Variants in RGL1 observed in about 807,000 individuals in gnomAD.
RGL1 encodes the protein ral guanine nucleotide dissociation stimulator-like 1.
In RGL1, 24 loss-of-function variants were observed where a neutral mutation model predicts 95.2. The ratio of observed to expected loss-of-function variants is 0.25; its 90% CI spans 0.18 to 0.35. RGL1 has a LOEUF of 0.35. Among genes scored for constraint, RGL1 ranks in the 10% least tolerant of loss-of-function variants. RGL1 has a pLI of 1.00. For synonymous variants in RGL1, 329 were observed against 344.9 expected, an observed-to-expected ratio of 0.95 and a Z score of 0.51; for missense variants, 715 against 936.3, an observed-to-expected ratio of 0.76 and a Z score of 3.08.
intron 1 of RGL1, among the ~76,000 whole-genome samples, chr1:183,641,790 A>G (rs1459116470): frequency 2.0e-5 from 3 of 152,178 alleles, no homozygotes; most frequent in Non-Finnish European, 2.9e-5. Context: ...GCTTGCTGAT[A>G]CTTTTAGAGG....
intron 2 of RGL1, among the ~76,000 whole-genome samples, chr1:183,834,380 C>G (rs915720410): frequency 1.3e-5 from 2 of 151,774 alleles, no homozygotes; most frequent in African/African-American, 2.4e-5. Flanking sequence ...CTTGCCCACC[C>G]TCCCCTTCAT....
rs1206437080 is a variant in RGL1 at position 183,866,031 on chromosome 1, A to G, written c.383A>G (p.Asp128Gly). 6.2e-7 allele frequency: 1 copy of G among 1,614,026 alleles called. No homozygotes were observed. Residue 128 changes from aspartate (D) to glycine (G), a missense_variant, in exon 4 of 18, where the codon GAT becomes GGT. Physicochemically the swap from Asp to Gly is moderately conservative, Grantham distance 94 (BLOSUM62 -1). Transcript: ENST00000360851. The stretch of plus-strand genomic sequence containing the variant: ...CTGACAAGCCCAAACTGTGAAGAAG[A>G]TGGAAGCCAAAGTTCATCAGAGTCC... ...GNLTSPNCEE[D>G]GSQSSSESKM...
chr1:183,746,114 G>A (rs1183092482), intron 2 of RGL1, among the ~76,000 whole-genome samples: 2 of 146,706 alleles, frequency 1.4e-5, no homozygotes, highest in Non-Finnish European at 3.0e-5. Flanking sequence ...TTATAATATT[G>A]TGGAATCACA....
intron 5 of RGL1, among the ~76,000 whole-genome samples, chr1:183,883,109 G>A (rs1666917309): frequency 6.6e-6 from 1 of 152,166 alleles, no homozygotes; most frequent in Admixed American, 6.5e-5. Context: ...TATTCCAGGT[G>A]TGGGCTCTTC....
intron 2 of RGL1, among the ~76,000 whole-genome samples, chr1:183,780,563 G>C (rs1659848064): frequency 6.6e-6 from 1 of 152,164 alleles, no homozygotes; most frequent in Non-Finnish European, 1.5e-5. Flanking sequence ...GGGAGATTCA[G>C]TGCTTTATGG....
intron 2 of RGL1, among the ~76,000 whole-genome samples, chr1:183,832,895 T>C (rs1203712011): frequency 6.6e-6 from 1 of 152,136 alleles, no homozygotes; most frequent in African/African-American, 2.4e-5. Flanking sequence ...CGGGAATCAA[T>C]AGTGCCGATT....
chr1:183,753,788 A>G (rs919355032), intron 2 of RGL1, among the ~76,000 whole-genome samples: 1 of 152,164 alleles, frequency 6.6e-6, no homozygotes, highest in Middle Eastern at 3.2e-3. Context: ...AACAAGAGAG[A>G]TCCATGAAGT....
In RGL1 at chr1:183,880,732, G is replaced by A. The variant is rs1323830551; in HGVS notation, c.542G>A (p.Gly181Asp). The A allele has an allele frequency of 6.2e-7, 1 of 1,613,934 alleles. No homozygotes were observed. The change falls in exon 5 of 18, where the codon GGC (glycine) becomes GAC (aspartate). Residue 181 changes from glycine to aspartate, a missense_variant. This residue lies in a region of RGL1 where 381 missense variants were observed against 484.8 expected (regional missense o/e 0.79). Transcript: ENST00000360851. ...LLDYLTRMMP[G>D]SDPERRAQNL... ...GATTATCTCACACGGATGATGCCGG[G>A]CTCTGACCCAGAAAGAAGAGCACAA...
At chr1:183,855,813 G>T (rs1665104070) in intron 3 of RGL1, among the ~76,000 whole-genome samples, 1 of 152,098 alleles carries the variant, frequency 6.6e-6, no homozygotes, top group Non-Finnish European at 1.5e-5. Flanking sequence ...CTCATAATTT[G>T]ATTTTTTTCT....
At chr1:183,745,703 G>C (rs534952710) in intron 2 of RGL1, among the ~76,000 whole-genome samples, 6 of 151,974 alleles carry the variant, frequency 3.9e-5, no homozygotes, top group Non-Finnish European at 7.4e-5. Flanking sequence ...TTTCTCTGCT[G>C]AGCTATTGAT....
chr1:183,855,541 TTCAG>T (rs1373012337), intron 3 of RGL1, among the ~76,000 whole-genome samples: 1 of 152,258 alleles, frequency 6.6e-6, no homozygotes, highest in Non-Finnish European at 1.5e-5. Context: ...TTCCTTTTCT[TTCAG>T]TAAGAGGCAA....
intron 2 of RGL1, among the ~76,000 whole-genome samples, chr1:183,821,154 A>G (rs1350775430): frequency 6.6e-6 from 1 of 152,000 alleles, no homozygotes; most frequent in East Asian, 1.9e-4. Flanking sequence ...AATAATAATA[A>G]TAATACTTGT....
At chr1:183,661,248 A>T (rs1230904971) in intron 1 of RGL1, among the ~76,000 whole-genome samples, 1 of 152,238 alleles carries the variant, frequency 6.6e-6, no homozygotes, top group Non-Finnish European at 1.5e-5. Context: ...AAAACCCTTC[A>T]AAAAATTAAT....
chr1:183,888,688 T>A (rs1667256359), intron 8 of RGL1, 111 bp downstream of exon 8: 1 of 697,874 alleles, frequency 1.4e-6, no homozygotes, highest in South Asian at 1.8e-5. Context: ...ATATTTGAAA[T>A]CCTCTGTGTG....
At chr1:183,694,158 A>T (rs1415990605) in intron 1 of RGL1, among the ~76,000 whole-genome samples, 1 of 152,102 alleles carries the variant, frequency 6.6e-6, no homozygotes, top group African/African-American at 2.4e-5. Context: ...TATCAGAGAG[A>T]ATTTTATGTC....
At chr1:183,814,982 C>A (rs1353620699) in intron 2 of RGL1, among the ~76,000 whole-genome samples, 1 of 152,132 alleles carries the variant, frequency 6.6e-6, no homozygotes, top group Non-Finnish European at 1.5e-5. Flanking sequence ...ATTAAAATTG[C>A]AATACTTGGC....
At chr1:183,744,055 C>A (rs1429803451) in intron 2 of RGL1, among the ~76,000 whole-genome samples, 1 of 152,152 alleles carries the variant, frequency 6.6e-6, no homozygotes. Context: ...GGATGCAAAG[C>A]TGTGGGAGAG....
chr1:183,881,028 TC>T (rs568061869), intron 5 of RGL1, among the ~76,000 whole-genome samples: 58 of 152,260 alleles, frequency 3.8e-4, no homozygotes, highest in Non-Finnish European at 7.5e-4. Flanking sequence ...CTAATCTGGC[TC>T]CCTCATTTTA....
At chr1:183,825,857 A>T (rs1386741555) in intron 2 of RGL1, among the ~76,000 whole-genome samples, 1 of 151,986 alleles carries the variant, frequency 6.6e-6, no homozygotes, top group Non-Finnish European at 1.5e-5. Flanking sequence ...TTGTCTAATC[A>T]CTCATATAAA....
Sources: gnomAD v4.1 joint callset for allele counts (sites outside exome capture counted in the v4.1 genomes callset) on GRCh38, gnomAD v4.1.1 for gene constraint, gnomAD v4.1.1 regional missense constraint, MANE v1.5 for transcripts, NCBI Gene and HGNC (gene_info 2026-07-23, HGNC 2026-07-21) for gene names.